BDKRB1: variants seen among roughly 807,000 people sequenced by gnomAD.
The protein encoded by BDKRB1 is B1 bradykinin receptor.
For synonymous variants in BDKRB1, 192 were observed against 189.1 expected, an observed-to-expected ratio of 1.02 and a Z score of -0.13; for missense variants, 414 against 441.4, an observed-to-expected ratio of 0.94 and a Z score of 0.56.
At chr14:96,261,922 G>A (rs1443726767) in intron 1 of BDKRB1, among the ~76,000 whole-genome samples, 2 of 152,220 alleles carry the variant, frequency 1.3e-5, no homozygotes, top group East Asian at 1.9e-4. Context: ...TTGTGGGATC[G>A]CAGAGGGCTG....
chr14:96,256,445 A>G (rs998498942), intron 1 of BDKRB1, 145 bp downstream of exon 1: 6 of 152,226 alleles, frequency 3.9e-5, no homozygotes, highest in Non-Finnish European at 8.8e-5. Flanking sequence ...TTTTAAAAAT[A>G]ATTCTAAATC....
In BDKRB1 at chr14:96,264,750, C is replaced by T. The variant is rs1885853211; in HGVS notation, c.*6C>T. On this transcript the variant is annotated 3_prime_UTR_variant, in exon 3 of 3. Coordinates refer to ENST00000216629, the MANE Select transcript of BDKRB1 (RefSeq NM_000710.4). ...AACTTTTCTGGCGGAATTAAAACAG[C>T]ATTGAACCAAGAAGCTTGGCTTTCT... 4.4e-6 allele frequency: 7 copies of T among 1,595,500 alleles called. No homozygotes were observed. The highest frequency in any genetic ancestry group is 6.0e-6 in the Non-Finnish European group (7 of 1,173,238).
rs748553489 is a variant in BDKRB1 at position 96,264,265 on chromosome 14, C to T, written c.583C>T (p.His195Tyr). ...NITACILLLP[H>Y]EAWHFARIVE... The stretch of plus-strand genomic sequence containing the variant: ...CACCGCCTGCATCCTGCTCCTCCCC[C>T]ATGAGGCCTGGCACTTTGCAAGGAT... Residue 195 changes from histidine (H) to tyrosine (Y), a missense_variant, in exon 3 of 3, where the codon CAT becomes TAT. Transcript: ENST00000216629. 2 of 1,614,228 alleles carry T rather than the reference C, an allele frequency of 1.2e-6. No homozygotes were observed. Among genetic ancestry groups the T allele is most frequent in the South Asian group, 1.1e-5 (1 of 91,084 alleles).
rs143432375 is a variant in BDKRB1 at position 96,264,663 on chromosome 14, T to C, written c.981T>C (p.Tyr327=). ...RLFRTKVWEL[Y]KQCTPKSLAP... ...TCAGGACCAAGGTCTGGGAACTTTATAAACAATGCACCCCTAAAAGTCTTG... is the reference window on the plus strand; with the variant it reads ...TCAGGACCAAGGTCTGGGAACTTTACAAACAATGCACCCCTAAAAGTCTTG... The change falls in exon 3 of 3, where the codon TAT becomes TAC. Residue 327 remains tyrosine (Y), a synonymous_variant. Transcript: ENST00000216629. 6.8e-6 allele frequency: 11 copies of C among 1,614,170 alleles called. No homozygotes were observed. In the African/African-American group the frequency reaches 1.2e-4, roughly 18 times the overall value.
At chr14:96,261,839 T>C (rs1885757067) in intron 1 of BDKRB1, among the ~76,000 whole-genome samples, 1 of 152,226 alleles carries the variant, frequency 6.6e-6, no homozygotes, top group South Asian at 2.1e-4. Flanking sequence ...ATTCTGTGGA[T>C]CCCTGAGTTG....
chr14:96,256,984 T>C (rs563200410), intron 1 of BDKRB1, among the ~76,000 whole-genome samples: 1 of 152,282 alleles, frequency 6.6e-6, no homozygotes, highest in African/African-American at 2.4e-5. Context: ...TCAAATAGGG[T>C]CACATATTAC....
intron 1 of BDKRB1, among the ~76,000 whole-genome samples, chr14:96,261,127 C>T (rs558657131): frequency 2.1e-4 from 32 of 152,280 alleles, no homozygotes; most frequent in South Asian, 8.3e-4. Flanking sequence ...CTGAAAATCA[C>T]GGTGTTACTA....
In BDKRB1 at chr14:96,263,687, C is replaced by T; in HGVS notation, c.5C>T (p.Ala2Val). Residue 2 changes from alanine to valine, a missense_variant, in exon 3 of 3, where the codon GCA becomes GTA. Physicochemically the swap from Ala to Val is moderately conservative, Grantham distance 64. Coordinates refer to ENST00000216629, the MANE Select transcript of BDKRB1 (RefSeq NM_000710.4). ...GTTCATTTCAGGTCACTGTGCATGG[C>T]ATCATCCTGGCCCCCTCTAGAGCTC... M[A>V]SSWPPLELQS... 1 of 1,612,172 alleles carries T rather than the reference C, an allele frequency of 6.2e-7. No homozygotes were observed.
At chr14:96,259,983 T>A (rs1423371765) in intron 1 of BDKRB1, 1 of 152,078 alleles carries the variant, frequency 6.6e-6, no homozygotes, top group Non-Finnish European at 1.5e-5. Flanking sequence ...TATATCAGCA[T>A]CTTTTGCAGC....
At chr14:96,256,398 A>G (rs1885619184) in intron 1 of BDKRB1, 98 bp downstream of exon 1, 1 of 152,116 alleles carries the variant, frequency 6.6e-6, no homozygotes, top group African/African-American at 2.4e-5. Flanking sequence ...TTTTACACCT[A>G]CCTATTGGCA....
At chr14:96,258,994 C>A (rs1595274001) in intron 1 of BDKRB1, among the ~76,000 whole-genome samples, 1 of 151,556 alleles carries the variant, frequency 6.6e-6, no homozygotes, top group Admixed American at 6.6e-5. Flanking sequence ...AAAGATTCTT[C>A]CCACAAGCTG....
intron 1 of BDKRB1, among the ~76,000 whole-genome samples, chr14:96,260,390 A>C (rs1233110203): frequency 2.6e-5 from 4 of 152,198 alleles, no homozygotes; most frequent in Admixed American, 1.3e-4. Context: ...TCTTGCAATC[A>C]GTGAAATTGC....
rs775087789 is a variant in BDKRB1, at chr14:96,263,702, C to T, written c.20C>T (p.Pro7Leu). The change falls in exon 3 of 3, where the codon CCT (proline) becomes CTT (leucine). Residue 7 changes from proline (P) to leucine (L), a missense_variant. By Grantham distance (98) the Pro-to-Leu change is moderately conservative. Coordinates refer to ENST00000216629, the MANE Select transcript of BDKRB1 (RefSeq NM_000710.4). Reference protein sequence around the residue: MASSWPPLELQSSNQSQ... With the variant: MASSWPLLELQSSNQSQ... ...CTGTGCATGGCATCATCCTGGCCCCCTCTAGAGCTCCAATCCTCCAACCAG... is the reference window on the plus strand; with the variant it reads ...CTGTGCATGGCATCATCCTGGCCCCTTCTAGAGCTCCAATCCTCCAACCAG... The T allele has an allele frequency of 2.4e-5, 39 of 1,613,702 alleles. No individual in the cohort carries two copies. Among genetic ancestry groups the T allele is most frequent in the Non-Finnish European group, 2.7e-5 (32 of 1,179,832 alleles).
chr14:96,263,001 A>G (rs1885793090), intron 2 of BDKRB1, among the ~76,000 whole-genome samples: 1 of 152,030 alleles, frequency 6.6e-6, no homozygotes, highest in African/African-American at 2.4e-5. Context: ...CACTGGTCCC[A>G]GCCCCAACAG....
At chr14:96,261,997 A>T (rs890873471) in intron 1 of BDKRB1, among the ~76,000 whole-genome samples, 3 of 152,228 alleles carry the variant, frequency 2.0e-5, no homozygotes, top group Admixed American at 2.0e-4. Context: ...GAAACTCAGC[A>T]TGGGAGCATG....
Position 96,264,159 on chromosome 14 carries a change from G to A in BDKRB1, c.477G>A (p.Val159=). 2 of 1,602,750 alleles carry A rather than the reference G, an allele frequency of 1.2e-6. No homozygotes were observed. Among genetic ancestry groups the A allele is most frequent in the Non-Finnish European group, 1.7e-6 (2 of 1,173,614 alleles). The change falls in exon 3 of 3, where the codon GTG becomes GTA. Residue 159 remains valine (V), a synonymous_variant. Transcript: ENST00000216629. ...GGAGGCAGGCCCGGGTCACCTGCGT[G>A]CTCATCTGGGTTGTGGGGGGCCTCT... is the stretch of plus-strand genomic sequence containing the variant. ...QRRRQARVTC[V]LIWVVGGLLS... is the part of the protein sequence containing the mutation.
In BDKRB1 at chr14:96,264,402, C is replaced by T. The variant is rs143735378; in HGVS notation, c.720C>T (p.Cys240=). Reference sequence around the variant, plus strand: ...GGGAGGAGGTCAGCAGGACAAGGTGCGGGGGCCGCAAGGATAGCAAGACCA... The same window carrying T: ...GGGAGGAGGTCAGCAGGACAAGGTGTGGGGGCCGCAAGGATAGCAAGACCA... ...RTREEVSRTR[C]GGRKDSKTTA... The change falls in exon 3 of 3, where the codon TGC becomes TGT. Residue 240 remains cysteine, a synonymous_variant. Transcript: ENST00000216629. 902 of 1,614,190 alleles carry T rather than the reference C, an allele frequency of 5.6e-4. 5 individuals are homozygous for T. The highest frequency in any genetic ancestry group is 8.3e-4 in the Middle Eastern group (5 of 6,060).
chr14:96,264,211 T>G lies in BDKRB1; in HGVS notation c.529T>G (p.Ser177Ala). ...LLSIPTFLLR[S>A]IQAVPDLNIT... ...GAGCATCCCCACATTCCTGCTGCGA[T>G]CCATCCAAGCCGTCCCAGATCTGAA... The change falls in exon 3 of 3, where the codon TCC (serine) becomes GCC (alanine). Residue 177 changes from serine (S) to alanine (A), a missense_variant. Ser to Ala is a moderately conservative substitution (Grantham distance 99). Transcript: ENST00000216629. 1.2e-6 allele frequency: 2 copies of G among 1,613,468 alleles called. No homozygotes were observed. The highest frequency in any genetic ancestry group is 1.7e-6 in the Non-Finnish European group (2 of 1,179,472).
chr14:96,256,618 A>G (rs770042128), intron 1 of BDKRB1, among the ~76,000 whole-genome samples: 1 of 152,238 alleles, frequency 6.6e-6, no homozygotes, highest in Non-Finnish European at 1.5e-5. Context: ...CAGAGTTCGC[A>G]TGGACTGACC....
Sources: allele counts gnomAD v4.1 joint callset (sites outside exome capture counted in the v4.1 genomes callset), GRCh38; gene constraint gnomAD v4.1.1; transcripts MANE v1.5; gene names NCBI Gene and HGNC (gene_info 2026-07-23, HGNC 2026-07-21).